Variants in ASTN2 observed in about 807,000 individuals in gnomAD.
The protein encoded by ASTN2 is astrotactin-2.
Under a neutral mutation model 139.8 loss-of-function variants are expected in ASTN2, and 54 were observed. The ratio of observed to expected loss-of-function variants is 0.39; its 90% CI spans 0.31 to 0.48. The LOEUF (loss-of-function observed/expected upper bound fraction) is 0.48. Ranked by LOEUF, ASTN2 falls within the 20% of genes least tolerant of loss-of-function variation. The pLI, the probability that ASTN2 is intolerant of heterozygous loss-of-function variation, is 0.95. For missense variants in ASTN2, 1,565 were observed against 1,725.1 expected (o/e 0.91, Z 1.64); for synonymous variants, 756 against 719.5 (o/e 1.05, Z -0.81).
Position 116,514,608 on chromosome 9 carries a change from G to A in ASTN2, c.3356-27108C>T, listed in dbSNP as rs562802453. On this transcript the variant is annotated intron_variant, in intron 19 of 22. Transcript: ENST00000313400. Reference sequence around the variant, plus strand: ...GCTATGCCCTGCCCCCAGAGGTGGAGTCTACAGAGGCAGGCAGGCCTCCTT... The same window carrying A: ...GCTATGCCCTGCCCCCAGAGGTGGAATCTACAGAGGCAGGCAGGCCTCCTT... Among the ~76,000 whole-genome samples the A allele has an allele frequency of 4.1e-3, 632 of 152,328 alleles. 2 individuals are homozygous for A. The highest frequency in any genetic ancestry group is 8.3e-3 in the Admixed American group (127 of 15,300).
intron 5 of ASTN2, among the ~76,000 whole-genome samples, chr9:117,060,276 A>T (rs1300195248): frequency 6.7e-6 from 1 of 149,386 alleles, no homozygotes; most frequent in Non-Finnish European, 1.5e-5. Flanking sequence ...GTGCCACTGC[A>T]CTCCAACCTG....
chr9:116,757,662 C>A (rs1829569514), intron 13 of ASTN2, among the ~76,000 whole-genome samples: 1 of 152,080 alleles, frequency 6.6e-6, no homozygotes, highest in Admixed American at 6.5e-5. Context: ...CGTCTTATTA[C>A]CCCACTGCCC....
At chr9:116,963,996 C>T (rs941674986) in intron 10 of ASTN2, among the ~76,000 whole-genome samples, 5 of 152,132 alleles carry the variant, frequency 3.3e-5, no homozygotes, top group African/African-American at 1.2e-4. Flanking sequence ...CCACAGGGCA[C>T]TGCAGATCTC....
intron 10 of ASTN2, among the ~76,000 whole-genome samples, chr9:116,903,155 C>G (rs1410405591): frequency 6.6e-6 from 1 of 152,124 alleles, no homozygotes; most frequent in Non-Finnish European, 1.5e-5. Context: ...GAGAGCTTCC[C>G]TGATTCTTCT....
chr9:117,177,586 T>G (rs558824021), intron 3 of ASTN2, among the ~76,000 whole-genome samples: 1 of 152,110 alleles, frequency 6.6e-6, no homozygotes, highest in East Asian at 1.9e-4. Flanking sequence ...AACTCAAACA[T>G]GGGCCCCACA....
At chr9:117,313,671 A>T (rs2130819298) in intron 1 of ASTN2, among the ~76,000 whole-genome samples, 1 of 152,262 alleles carries the variant, frequency 6.6e-6, no homozygotes, top group South Asian at 2.1e-4. Flanking sequence ...AAAGTCACCA[A>T]ACTCCCCAAG....
chr9:116,482,733 C>T (rs1221483298), intron 20 of ASTN2, among the ~76,000 whole-genome samples: 1 of 152,170 alleles, frequency 6.6e-6, no homozygotes, highest in African/African-American at 2.4e-5. Context: ...ACTCTACCCA[C>T]CCCGCTAAGA....
chr9:117,041,391 A>C (rs900200237), intron 5 of ASTN2, among the ~76,000 whole-genome samples: 1 of 152,088 alleles, frequency 6.6e-6, no homozygotes, highest in Non-Finnish European at 1.5e-5. Flanking sequence ...TTCTCCTTAA[A>C]GCCTCCCCCT....
At chr9:116,884,257 C>A (rs1289110956) in intron 10 of ASTN2, among the ~76,000 whole-genome samples, 2 of 152,122 alleles carry the variant, frequency 1.3e-5, no homozygotes, top group East Asian at 3.9e-4. Context: ...AGGAGAAAGC[C>A]ATGGGACCTG....
intron 2 of ASTN2, among the ~76,000 whole-genome samples, chr9:117,260,802 A>G (rs548736907): frequency 9.2e-5 from 14 of 152,318 alleles, no homozygotes; most frequent in Admixed American, 4.6e-4. Context: ...ACAAAACCCA[A>G]TAGGCACATA....
At chr9:117,147,096 T>C (rs1830215215) in intron 3 of ASTN2, among the ~76,000 whole-genome samples, 1 of 152,178 alleles carries the variant, frequency 6.6e-6, no homozygotes, top group South Asian at 2.1e-4. Flanking sequence ...CTGAGTCATT[T>C]TGCAAAGGCA....
At chr9:116,788,440 TAGA>T (rs1340745524) in intron 13 of ASTN2, among the ~76,000 whole-genome samples, 1 of 152,172 alleles carries the variant, frequency 6.6e-6, no homozygotes. Flanking sequence ...CATAAATATA[TAGA>T]AGTAGTATTT....
chr9:116,521,454 T>A (rs1850869104), intron 19 of ASTN2, among the ~76,000 whole-genome samples: 1 of 152,078 alleles, frequency 6.6e-6, no homozygotes, highest in African/African-American at 2.4e-5. Context: ...TGTAGGAGGA[T>A]GAAACTAGAT....
intron 19 of ASTN2, among the ~76,000 whole-genome samples, chr9:116,557,877 G>T (rs879112749): frequency 6.6e-6 from 1 of 152,144 alleles, no homozygotes; most frequent in Admixed American, 6.5e-5. Context: ...GTGGTTCTTG[G>T]GGTTTTCAAC....
At chr9:116,472,126 A>G (rs1848832132) in intron 20 of ASTN2, among the ~76,000 whole-genome samples, 1 of 151,704 alleles carries the variant, frequency 6.6e-6, no homozygotes, top group South Asian at 2.1e-4. Context: ...CTATAACCCA[A>G]CTGTGGCCTT....
At chr9:117,026,216 AG>A (rs1313108616) in intron 6 of ASTN2, among the ~76,000 whole-genome samples, 2 of 151,804 alleles carry the variant, frequency 1.3e-5, no homozygotes, top group African/African-American at 4.8e-5. Flanking sequence ...CTAGTTTTTG[AG>A]TGTGGTTACC....
intron 12 of ASTN2, among the ~76,000 whole-genome samples, chr9:116,806,605 C>G (rs948314598): frequency 2.0e-5 from 3 of 152,100 alleles, no homozygotes; most frequent in African/African-American, 7.2e-5. Context: ...ATAAATAAGA[C>G]AGACAAGAGA....
At chr9:117,283,016 G>C (rs4263840) in intron 2 of ASTN2, among the ~76,000 whole-genome samples, 142,631 of 148,014 alleles carry the variant, frequency 0.96, 68,919 homozygotes, top group East Asian at 1. Context: ...TTGCTAAATG[G>C]TTTTATGTGC....
chr9:116,583,004 G>A (rs1462210721), intron 19 of ASTN2: 1 of 152,208 alleles, frequency 6.6e-6, no homozygotes, highest in East Asian at 1.9e-4. Context: ...CACAGACTTA[G>A]GCCCTGCTCT....
Sources: allele counts gnomAD v4.1 joint callset (sites outside exome capture counted in the v4.1 genomes callset), GRCh38; gene constraint gnomAD v4.1.1; transcripts MANE v1.5; gene names NCBI Gene and HGNC (gene_info 2026-07-23, HGNC 2026-07-21).